PDE4D: variants seen among roughly 807,000 people sequenced by gnomAD.
The protein encoded by PDE4D is 3',5'-cyclic-AMP phosphodiesterase 4D.
PDE4D carries 24 observed loss-of-function variants against 87.4 expected under a neutral mutation model. That is an observed-to-expected ratio of 0.27 (90% CI 0.20 to 0.39). PDE4D has a LOEUF of 0.39. PDE4D is among the 10% of genes least tolerant of loss of function. PDE4D has a pLI of 1.00. For synonymous variants in PDE4D, 384 were observed against 383.2 expected, an observed-to-expected ratio of 1.00 and a Z score of -0.02; for missense variants, 714 against 1,041.0, an observed-to-expected ratio of 0.69 and a Z score of 4.32.
intron 5 of PDE4D, among the ~76,000 whole-genome samples, chr5:59,133,590 C>G (rs1401996772): frequency 6.6e-6 from 1 of 152,190 alleles, no homozygotes; most frequent in Non-Finnish European, 1.5e-5. Flanking sequence ...GAAAAGTACA[C>G]TAGGTCCTGT....
chr5:59,882,770 C>CT (rs34177348), intron 1 of PDE4D, among the ~76,000 whole-genome samples: 427 of 139,554 alleles, frequency 3.1e-3, no homozygotes, highest in East Asian at 0.012. Flanking sequence ...TCCTTTCCTT[C>CT]TTTTTTTTTT....
chr5:59,413,415 G>A (rs552169672), intron 1 of PDE4D, among the ~76,000 whole-genome samples: 6 of 131,314 alleles, frequency 4.6e-5, no homozygotes, highest in South Asian at 2.4e-4. Flanking sequence ...CCGAGATCGC[G>A]CCACTACACT....
chr5:60,289,611 T>C (rs778824984), intron 1 of PDE4D, among the ~76,000 whole-genome samples: 3 of 152,238 alleles, frequency 2.0e-5, no homozygotes, highest in Admixed American at 6.5e-5. Context: ...GAGATGGTTA[T>C]AGAATCTCCG....
At chr5:60,322,361 C>CACAT (rs1554205480) in intron 1 of PDE4D, among the ~76,000 whole-genome samples, 2 of 114,286 alleles carry the variant, frequency 1.7e-5, no homozygotes, top group Admixed American at 9.7e-5. Context: ...TATATATGGA[C>CACAT]ACACATACAC....
At chr5:60,308,002 T>C (rs1019666865) in intron 1 of PDE4D, among the ~76,000 whole-genome samples, 11 of 152,084 alleles carry the variant, frequency 7.2e-5, no homozygotes, top group Admixed American at 4.6e-4. Flanking sequence ...GATAGCACCA[T>C]TGCTCTCCAG....
chr5:60,303,307 C>CT (rs879522679), intron 1 of PDE4D, among the ~76,000 whole-genome samples: 6,432 of 127,728 alleles, frequency 0.05, 331 homozygotes, highest in African/African-American at 0.12. Context: ...ATCTGGATTT[C>CT]TTTTTTTTTT....
At chr5:59,076,349 C>T (rs1765679180) in intron 5 of PDE4D, among the ~76,000 whole-genome samples, 1 of 152,082 alleles carries the variant, frequency 6.6e-6, no homozygotes, top group Non-Finnish European at 1.5e-5. Context: ...GAAAAAGTCC[C>T]TGATTTGTAC....
chr5:59,203,306 T>C (rs1373735216), intron 2 of PDE4D, among the ~76,000 whole-genome samples: 12 of 146,688 alleles, frequency 8.2e-5, no homozygotes. Context: ...CTGACACCTA[T>C]AATAGTTTTT....
chr5:59,872,390 GT>G (rs1038117269), intron 1 of PDE4D, among the ~76,000 whole-genome samples: 10 of 151,938 alleles, frequency 6.6e-5, no homozygotes, highest in Non-Finnish European at 1.2e-4. Flanking sequence ...AAATCAGCAA[GT>G]TTTTTGCAAT....
chr5:60,020,412 T>C (rs1421703687), intron 2 of PDE4D, among the ~76,000 whole-genome samples: 1 of 152,122 alleles, frequency 6.6e-6, no homozygotes, highest in South Asian at 2.1e-4. Flanking sequence ...AAACCTTCAA[T>C]TGGTGAAAAA....
Position 59,968,173 on chromosome 5 carries a change from G to A in PDE4D, c.272+20315C>T, listed in dbSNP as rs146109600. Among the ~76,000 whole-genome samples, 115 of 151,816 alleles carry A rather than the reference G, an allele frequency of 7.6e-4. 1 individual carries two copies. The highest frequency in any genetic ancestry group is 2.6e-3 in the African/African-American group (108 of 41,382). On this transcript the variant is annotated intron_variant, in intron 3 of 16. Coordinates refer to the PDE4D transcript ENST00000502484. Reference sequence around the variant, plus strand: ...CTAATTTTGTAGTTTTAGTAGAGACGGGGTTTCTCCATGTTGGTCAGGCTG... The same window carrying A: ...CTAATTTTGTAGTTTTAGTAGAGACAGGGTTTCTCCATGTTGGTCAGGCTG...
At chr5:60,226,805 C>A (rs1181831715) in intron 1 of PDE4D, among the ~76,000 whole-genome samples, 1 of 151,154 alleles carries the variant, frequency 6.6e-6, no homozygotes, top group Non-Finnish European at 1.5e-5. Context: ...TCCTTCTTTA[C>A]TCAGGTGTCT....
intron 1 of PDE4D, among the ~76,000 whole-genome samples, chr5:60,476,113 T>C (rs945830590): frequency 2.0e-5 from 3 of 152,212 alleles, no homozygotes; most frequent in Non-Finnish European, 4.4e-5. Flanking sequence ...CTCAATACTT[T>C]TTCCTCATTC....
chr5:59,497,569 A>G (rs999554299), intron 1 of PDE4D, among the ~76,000 whole-genome samples: 2 of 152,060 alleles, frequency 1.3e-5, no homozygotes, highest in Non-Finnish European at 1.5e-5. Flanking sequence ...AACAGACTAT[A>G]CCAAGCAGAA....
chr5:60,426,420 T>C (rs182749609), intron 1 of PDE4D, among the ~76,000 whole-genome samples: 1 of 152,186 alleles, frequency 6.6e-6, no homozygotes, highest in East Asian at 1.9e-4. Context: ...CTCAGCAAAC[T>C]ATCACAATGA....
At chr5:60,441,810 T>C (rs574231358) in intron 1 of PDE4D, among the ~76,000 whole-genome samples, 31 of 152,260 alleles carry the variant, frequency 2.0e-4, no homozygotes, top group Middle Eastern at 6.8e-3. Flanking sequence ...AAAGAAGACA[T>C]TTATGCCCCC....
intron 6 of PDE4D, among the ~76,000 whole-genome samples, chr5:59,002,656 G>C (rs1236612987): frequency 3.9e-5 from 6 of 152,154 alleles, no homozygotes; most frequent in Admixed American, 1.3e-4. Flanking sequence ...CCAGACCTGA[G>C]GGGCAAGAAG....
intron 1 of PDE4D, among the ~76,000 whole-genome samples, chr5:59,890,856 C>A (rs1483427572): frequency 3.9e-5 from 6 of 152,190 alleles, no homozygotes; most frequent in East Asian, 1.9e-4. Context: ...TGTAAAATTT[C>A]TTTGATAATT....
chr5:59,414,472 G>A (rs1793250104), intron 1 of PDE4D, among the ~76,000 whole-genome samples: 1 of 152,164 alleles, frequency 6.6e-6, no homozygotes, highest in Admixed American at 6.5e-5. Flanking sequence ...AAGAGGAGAG[G>A]ATGCGAGCCA....
Sources: allele counts gnomAD v4.1 joint callset (sites outside exome capture counted in the v4.1 genomes callset), GRCh38; gene constraint gnomAD v4.1.1; transcripts MANE v1.5; gene names NCBI Gene and HGNC (gene_info 2026-07-23, HGNC 2026-07-21).